The following CHD9 variants were observed in gnomAD, a reference collection of about 807,000 sequenced individuals.
The protein encoded by CHD9 is chromodomain helicase DNA binding protein 9.
Under a neutral mutation model 316.1 loss-of-function variants are expected in CHD9, and 77 were observed. That is an observed-to-expected ratio of 0.24 (90% CI 0.20 to 0.29). The LOEUF (loss-of-function observed/expected upper bound fraction) is 0.29. CHD9 is among the 10% of genes least tolerant of loss of function. CHD9 has a pLI of 1.00. For missense variants in CHD9, 2,763 were observed against 3,438.1 expected (o/e 0.80, Z 4.91); for synonymous variants, 1,129 against 1,158.3 (o/e 0.97, Z 0.51).
intron 24 of CHD9, among the ~76,000 whole-genome samples, chr16:53,283,808 TATA>T (rs2053622240): frequency 2.0e-5 from 3 of 152,204 alleles, no homozygotes. Flanking sequence ...CAAAATTAGA[TATA>T]ATAAGGTGTT....
intron 2 of CHD9, among the ~76,000 whole-genome samples, chr16:53,199,253 G>A (rs927880966): frequency 6.6e-5 from 10 of 152,062 alleles, no homozygotes; most frequent in Non-Finnish European, 1.3e-4. Context: ...GAGTTACTGT[G>A]CCTAGCCCCA....
Position 53,314,840 on chromosome 16 carries a change from C to T in CHD9, c.7380C>T (p.Thr2460=). Residue 2460 remains threonine, a synonymous_variant, in exon 36 of 39, where the codon ACC becomes ACT. Transcript: ENST00000447540. The part of the protein sequence containing the change: ...KPPNHVSLGL[T]SSQISTGINP... ...TTTTACAGGTTTCTTTAGGCTTAAC[C>T]TCCTCACAGATTTCCACAGGGATAA... 6.2e-7 allele frequency: 1 copy of T among 1,611,698 alleles called. No homozygotes were observed. Among genetic ancestry groups the T allele is most frequent in the Non-Finnish European group, 8.5e-7 (1 of 1,178,816 alleles).
chr16:53,124,467 ATTT>A (rs753476091), intron 1 of CHD9, among the ~76,000 whole-genome samples: 2 of 96,922 alleles, frequency 2.1e-5, no homozygotes, highest in Non-Finnish European at 2.1e-5. Context: ...GTGAGACTTA[ATTT>A]TTTTTTTTTT....
chr16:53,117,600 G>C (rs2038415295), intron 1 of CHD9, among the ~76,000 whole-genome samples: 1 of 151,534 alleles, frequency 6.6e-6, no homozygotes, highest in South Asian at 2.1e-4. Context: ...ATTTTTAGTA[G>C]AGAAGGGGTT....
intron 1 of CHD9, among the ~76,000 whole-genome samples, chr16:53,117,179 G>A (rs924746313): frequency 3.3e-5 from 5 of 151,822 alleles, no homozygotes; most frequent in Non-Finnish European, 5.9e-5. Context: ...CATGGCACAC[G>A]TTTACCTATG....
In CHD9 at chr16:53,245,406, T is replaced by G; in HGVS notation, c.3125T>G (p.Phe1042Cys). ...GAAGAACTATTTAGTCTTCTTCACT[T>G]TCTTGAACCCTTAAGGTTTCCTTCT... ...TVEELFSLLH[F>C]LEPLRFPSES... The change falls in exon 14 of 39, where the codon TTT becomes TGT. Residue 1042 changes from phenylalanine to cysteine, a missense_variant. Phe to Cys is a radical substitution (Grantham distance 205). Coordinates refer to ENST00000447540, the MANE Select transcript of CHD9 (RefSeq NM_001308319.2). This position sits in a 1 kb window ranked among gnomAD's most constrained non-coding sequence, Gnocchi z 4.1. 6.2e-7 allele frequency: 1 copy of G among 1,603,494 alleles called. No homozygotes were observed. Among genetic ancestry groups the G allele is most frequent in the Non-Finnish European group, 8.5e-7 (1 of 1,175,524 alleles).
chr16:53,249,839 T>G lies in CHD9; in HGVS notation c.3666-32T>G, dbSNP rs779275451. ...TATGTCTTCAGTTTTATTATACTTA[T>G]TTATGTAAATTTATTCCATTTCATT... On this transcript the variant is annotated intron_variant, in intron 16 of 38. Coordinates refer to ENST00000447540, the MANE Select transcript of CHD9 (RefSeq NM_001308319.2). The G allele has an allele frequency of 8.7e-6, 13 of 1,496,538 alleles. No homozygotes were observed. The Admixed American group carries it at 2.2e-4, about 25-fold the overall frequency. 92.7% of individuals were successfully genotyped at this position (1,496,538 alleles called of 1,614,324 possible). A position where few individuals can be genotyped will look rare whatever the true frequency, so the allele number is the denominator to read the frequency against.
At chr16:53,206,357 G>A (rs199881084) in intron 2 of CHD9, among the ~76,000 whole-genome samples, 162 of 128,150 alleles carry the variant, frequency 1.3e-3, no homozygotes, top group African/African-American at 4.8e-3. Context: ...AAAGGGCACC[G>A]GGAAAAAAAA....
rs1400654146 is a variant in CHD9 at position 53,306,167 on chromosome 16, T to C, written c.6620-70T>C. On this transcript the variant is annotated intron_variant, in intron 31 of 38. Coordinates refer to ENST00000447540, the MANE Select transcript of CHD9 (RefSeq NM_001308319.2). ...ATTTTCAGGTGTTTCTGAATAATTA[T>C]GTAAAATCCTTATATATAAAACTAT... 4 of 884,030 alleles carry C rather than the reference T, an allele frequency of 4.5e-6. No individual in the cohort carries two copies. In the East Asian group the frequency reaches 1.3e-4, roughly 29 times the overall value. The allele number at this position is 884,030 out of a possible 1,614,324, so 54.8% of individuals were successfully genotyped here. A position where few individuals can be genotyped will look rare whatever the true frequency, so the allele number is the denominator to read the frequency against.
chr16:53,101,273 CTTTTTT>C (rs1012377760), intron 1 of CHD9, among the ~76,000 whole-genome samples: 2 of 124,856 alleles, frequency 1.6e-5, no homozygotes, highest in African/African-American at 3.0e-5. Flanking sequence ...TTTTCCTTTT[CTTTTTT>C]TTTTTTTTTT....
chr16:53,171,965 A>G (rs2042784428), intron 2 of CHD9, among the ~76,000 whole-genome samples: 1 of 151,870 alleles, frequency 6.6e-6, no homozygotes, highest in African/African-American at 2.4e-5. Context: ...TTGGGGATAT[A>G]TGCTTTTAGT....
intron 2 of CHD9, among the ~76,000 whole-genome samples, chr16:53,207,492 GCTT>G (rs766986571): frequency 2.0e-5 from 3 of 152,006 alleles, no homozygotes; most frequent in African/African-American, 7.2e-5. Context: ...AAAATTTTAA[GCTT>G]CTTTTTATAA....
chr16:53,234,759 C>T (rs1044206906), intron 10 of CHD9, among the ~76,000 whole-genome samples: 2 of 151,378 alleles, frequency 1.3e-5, no homozygotes, highest in Non-Finnish European at 1.5e-5. Context: ...ATTTTTTAAT[C>T]TGTTGATCAG....
chr16:53,286,035 T>G (rs1216029657), intron 25 of CHD9, among the ~76,000 whole-genome samples, 191 bp from the exon 26 acceptor site: 1 of 152,232 alleles, frequency 6.6e-6, no homozygotes, highest in Admixed American at 6.5e-5. Context: ...AAATTTTACT[T>G]TAGTAGATAT....
chr16:53,204,099 T>G (rs1398637680), intron 2 of CHD9, among the ~76,000 whole-genome samples: 1 of 138,140 alleles, frequency 7.2e-6, no homozygotes, highest in East Asian at 2.1e-4. Context: ...TTATGTCAAG[T>G]AGAATGTTTC....
chr16:53,060,151 C>T (rs2032686224), intron 1 of CHD9, among the ~76,000 whole-genome samples: 1 of 152,128 alleles, frequency 6.6e-6, no homozygotes, highest in African/African-American at 2.4e-5. Context: ...CAAGACCAGC[C>T]TGGGCAACAT....
intron 2 of CHD9, among the ~76,000 whole-genome samples, chr16:53,201,763 G>A (rs1001719795): frequency 1.3e-5 from 2 of 151,854 alleles, no homozygotes; most frequent in African/African-American, 4.8e-5. Flanking sequence ...TATTTTTGAA[G>A]TACATCTTAG....
Position 53,158,324 on chromosome 16 carries a change from A to G in CHD9, c.1452+783A>G, listed in dbSNP as rs1234836935. ...CATAGCTCATTATTGTAATCACGAT[A>G]GACCATAGGCACTAAAAAGATTTTG... On this transcript the variant is annotated intron_variant, in intron 2 of 38. Transcript: ENST00000447540. Among the ~76,000 whole-genome samples the G allele has an allele frequency of 2.6e-5, 4 of 152,338 alleles. No individual in the cohort carries two copies. In the East Asian group the frequency reaches 7.7e-4, roughly 29 times the overall value.
At chr16:53,172,000 A>G (rs560129208) in intron 2 of CHD9, among the ~76,000 whole-genome samples, 2 of 152,074 alleles carry the variant, frequency 1.3e-5, no homozygotes, top group South Asian at 2.1e-4. Context: ...CCATTTACCT[A>G]TTTGTTTTCT....
Sources: allele counts gnomAD v4.1 joint callset (sites outside exome capture counted in the v4.1 genomes callset), GRCh38; gene constraint gnomAD v4.1.1; non-coding constraint Gnocchi (gnomAD v3.1); transcripts MANE v1.5; gene names NCBI Gene and HGNC (gene_info 2026-07-23, HGNC 2026-07-21).